Variants in PHACTR2 observed in about 807,000 individuals in gnomAD.
PHACTR2 encodes chromosome 6 open reading frame 56.
Under a neutral mutation model 76.0 loss-of-function variants are expected in PHACTR2, and 30 were observed. That is an observed-to-expected ratio of 0.39 (90% CI 0.30 to 0.54). The LOEUF is 0.54. Among genes scored for constraint, PHACTR2 ranks in the 20% least tolerant of loss-of-function variants. The probability of loss-of-function intolerance (pLI) is 0.61; values close to 1 mark genes in which losing one functional copy is unlikely to be tolerated. For synonymous variants in PHACTR2, 292 were observed against 292.5 expected (o/e 1.00, Z 0.02); for missense variants, 696 against 781.1 (o/e 0.89, Z 1.30).
chr6:143,822,341 G>C lies in PHACTR2; in HGVS notation c.1923-1333G>C, dbSNP rs575847043. Among the ~76,000 whole-genome samples, 4 of 151,998 alleles carry C rather than the reference G, an allele frequency of 2.6e-5. No homozygotes were observed. The highest frequency in any genetic ancestry group is 5.9e-5 in the Non-Finnish European group (4 of 67,994). ...CCATGCCCAGCTTAAATTTTATTTTGTAGGTAATGGGGAACAATACGATCC... is the reference window on the plus strand; with the variant it reads ...CCATGCCCAGCTTAAATTTTATTTTCTAGGTAATGGGGAACAATACGATCC... On this transcript the variant is annotated intron_variant, in intron 12 of 12. Transcript: ENST00000440869. The surrounding 1 kb of genome is among the most constrained non-coding windows in gnomAD (Gnocchi z 5.5).
rs974285309 is a variant in PHACTR2, at chr6:143,578,829, C to T, written c.217+41622C>T. On this transcript the variant is annotated intron_variant, in intron 1 of 11. Transcript: ENST00000367584. This position sits in a 1 kb window ranked among gnomAD's most constrained non-coding sequence, Gnocchi z 4.5. ...AGAAGACGATGACCAAGTGGAATAA[C>T]GTATTTTCAAAAATGCCTATTGTGA... is the stretch of plus-strand genomic sequence containing the variant. Among the ~76,000 whole-genome samples, 3 of 152,132 alleles carry T rather than the reference C, an allele frequency of 2.0e-5. No individual in the cohort carries two copies. The highest frequency in any genetic ancestry group is 4.4e-5 in the Non-Finnish European group (3 of 68,024).
Position 143,755,508 on chromosome 6 carries a change from C to A in PHACTR2, c.454+1596C>A, listed in dbSNP as rs753012548. ...TGACAGTTTTATATGAATTAACCAA[C>A]AGACCTTGATGTTCTTGAAAGAAGA... is the stretch of plus-strand genomic sequence containing the variant. On this transcript the variant is annotated intron_variant, in intron 4 of 12. Coordinates refer to ENST00000440869, the MANE Select transcript of PHACTR2 (RefSeq NM_001100164.2). This position sits in a 1 kb window ranked among gnomAD's most constrained non-coding sequence, Gnocchi z 5.2. 2.7e-6 allele frequency: 1 copy of A among 370,126 alleles called. No individual in the cohort carries two copies. The highest frequency in any genetic ancestry group is 5.4e-6 in the Non-Finnish European group (1 of 186,888). 22.9% of individuals were successfully genotyped at this position (370,126 alleles called of 1,614,324 possible). A position where few individuals can be genotyped will look rare whatever the true frequency, so the allele number is the denominator to read the frequency against.
chr6:143,614,372 C>T (rs1032846898), intron 1 of PHACTR2, among the ~76,000 whole-genome samples: 1 of 152,184 alleles, frequency 6.6e-6, no homozygotes, highest in Non-Finnish European at 1.5e-5. Flanking sequence ...AGGTAGATAA[C>T]TCCAATTTGG....
chr6:143,683,046 A>G lies in PHACTR2; in HGVS notation c.46+4837A>G, dbSNP rs1205904495. Among the ~76,000 whole-genome samples the G allele has an allele frequency of 6.6e-6, 1 of 152,230 alleles. No homozygotes were observed. The highest frequency in any genetic ancestry group is 1.5e-5 in the Non-Finnish European group (1 of 68,042). ...TTCCTAGGATAAATCCCACTTGGGTAATGTGTATAATCCTTTTTGTATGTT... is the reference window on the plus strand; with the variant it reads ...TTCCTAGGATAAATCCCACTTGGGTGATGTGTATAATCCTTTTTGTATGTT... On this transcript the variant is annotated intron_variant, in intron 1 of 12. Coordinates refer to ENST00000440869, the MANE Select transcript of PHACTR2 (RefSeq NM_001100164.2). The surrounding 1 kb of genome is among the most constrained non-coding windows in gnomAD (Gnocchi z 4.1).
In PHACTR2 at chr6:143,591,965, G is replaced by A. The variant is rs1775696756; in HGVS notation, c.217+54758G>A. Among the ~76,000 whole-genome samples the A allele has an allele frequency of 6.6e-6, 1 of 152,176 alleles. No individual in the cohort carries two copies. Among genetic ancestry groups the A allele is most frequent in the African/African-American group, 2.4e-5 (1 of 41,444 alleles). ...TTGTACTTCTGGTCTTCCTAGACCCGAGGGTTAGCCTGGGCATGGCTGTTT... is the reference window on the plus strand; with the variant it reads ...TTGTACTTCTGGTCTTCCTAGACCCAAGGGTTAGCCTGGGCATGGCTGTTT... On this transcript the variant is annotated intron_variant, in intron 1 of 11. Transcript: ENST00000367584. The surrounding 1 kb of genome is among the most constrained non-coding windows in gnomAD (Gnocchi z 6.4).
chr6:143,569,280 A>C (rs1775411282), intron 1 of PHACTR2, among the ~76,000 whole-genome samples: 1 of 152,220 alleles, frequency 6.6e-6, no homozygotes. Flanking sequence ...TCAACTGAGG[A>C]GACCACAAGT....
In PHACTR2 at chr6:143,647,028, C is replaced by A. The variant is rs1206154172; in HGVS notation, c.13+38706C>A. Reference sequence around the variant, plus strand: ...AAGGCTCTAAAGATTAAGTCTTCACCTTGCTGTCAGCAGTTACATTTTTTT... The same window carrying A: ...AAGGCTCTAAAGATTAAGTCTTCACATTGCTGTCAGCAGTTACATTTTTTT... On this transcript the variant is annotated intron_variant, in intron 1 of 11. Coordinates refer to the PHACTR2 transcript ENST00000305766. The surrounding 1 kb of genome is among the most constrained non-coding windows in gnomAD (Gnocchi z 4.2). 3.9e-5 allele frequency among the ~76,000 whole-genome samples: 6 copies of A among 152,174 alleles called. No individual in the cohort carries two copies. Among genetic ancestry groups the A allele is most frequent in the Non-Finnish European group, 7.3e-5 (5 of 68,028 alleles).
rs957929563 is a variant in PHACTR2, at chr6:143,647,060, G to A, written c.13+38738G>A. Among the ~76,000 whole-genome samples, 5 of 151,920 alleles carry A rather than the reference G, an allele frequency of 3.3e-5. No individual in the cohort carries two copies. Among genetic ancestry groups the A allele is most frequent in the Admixed American group, 2.6e-4 (4 of 15,256 alleles). On this transcript the variant is annotated intron_variant, in intron 1 of 11. Transcript: ENST00000305766. This position sits in a 1 kb window ranked among gnomAD's most constrained non-coding sequence, Gnocchi z 4.2. The stretch of plus-strand genomic sequence containing the variant: ...TCAGCAGTTACATTTTTTTCTAAGG[G>A]GTAAAAAGCACAAACCAGAATTATG...
intron 11 of PHACTR2, among the ~76,000 whole-genome samples, chr6:143,790,404 T>TA (rs147763042): frequency 0.019 from 2,845 of 152,146 alleles, 108 homozygotes; most frequent in African/African-American, 0.066. Flanking sequence ...GGTCAGTACT[T>TA]ATGTGAAAGA....
chr6:143,584,889 TA>T (rs1054185130), intron 1 of PHACTR2, among the ~76,000 whole-genome samples: 8 of 149,578 alleles, frequency 5.3e-5, no homozygotes, highest in African/African-American at 2.0e-4. Flanking sequence ...GAGAAGAACA[TA>T]AGGCTAGGAA....
chr6:143,715,306 C>A (rs926113866), intron 2 of PHACTR2, among the ~76,000 whole-genome samples: 4 of 152,178 alleles, frequency 2.6e-5, no homozygotes, highest in African/African-American at 9.7e-5. Context: ...CTCTCTTTTG[C>A]CTTTTCTCTT....
chr6:143,650,317 T>G (rs1244310079), intron 1 of PHACTR2, among the ~76,000 whole-genome samples: 1 of 152,152 alleles, frequency 6.6e-6, no homozygotes, highest in Non-Finnish European at 1.5e-5. Context: ...ATCGACAATC[T>G]TCACAGAATT....
At chr6:143,636,444 G>A (rs1395863691) in intron 1 of PHACTR2, among the ~76,000 whole-genome samples, 1 of 152,056 alleles carries the variant, frequency 6.6e-6, no homozygotes, top group Admixed American at 6.6e-5. Context: ...TTCCATACAC[G>A]TTGAGACCTA....
At chr6:143,740,611 G>A (rs143164843) in intron 2 of PHACTR2, among the ~76,000 whole-genome samples, 1 of 152,214 alleles carries the variant, frequency 6.6e-6, no homozygotes, top group East Asian at 1.9e-4. Context: ...GTGGAGTAAG[G>A]CTGAGGTTCA....
Position 143,733,164 on chromosome 6 carries a change from T to C in PHACTR2, c.215-15821T>C, listed in dbSNP as rs1308258191. Among the ~76,000 whole-genome samples the C allele has an allele frequency of 6.6e-6, 1 of 152,200 alleles. No individual in the cohort carries two copies. The highest frequency in any genetic ancestry group is 1.9e-4 in the East Asian group (1 of 5,206). On this transcript the variant is annotated intron_variant, in intron 2 of 12. Coordinates refer to ENST00000440869, the MANE Select transcript of PHACTR2 (RefSeq NM_001100164.2). The surrounding 1 kb of genome is among the most constrained non-coding windows in gnomAD (Gnocchi z 4.0). ...GTCCTACCTTGACCTCCCAAAGTGC[T>C]GGGATTATAGATGTGAGCCACCATG...
At chr6:143,740,250 G>C (rs1778909618) in intron 2 of PHACTR2, among the ~76,000 whole-genome samples, 1 of 152,120 alleles carries the variant, frequency 6.6e-6, no homozygotes, top group Non-Finnish European at 1.5e-5. Flanking sequence ...GATCACTCTT[G>C]TGGCCATCTT....
Position 143,772,144 on chromosome 6 carries a change from G to A in PHACTR2, c.1233-114G>A. 1.4e-6 allele frequency: 1 copy of A among 724,998 alleles called. No individual in the cohort carries two copies. Among genetic ancestry groups the A allele is most frequent in the East Asian group, 2.5e-5 (1 of 40,106 alleles). The allele number at this position is 724,998 out of a possible 1,614,324, so 44.9% of individuals were successfully genotyped here. On this transcript the variant is annotated intron_variant, in intron 6 of 12. Coordinates refer to ENST00000440869, the MANE Select transcript of PHACTR2 (RefSeq NM_001100164.2). The surrounding 1 kb of genome is among the most constrained non-coding windows in gnomAD (Gnocchi z 5.4). ...TTAGCCTGGCCTATGTCAAGTGTCT[G>A]CTTTCCTCAGCCTGAAGGAAGCCCA... is the stretch of plus-strand genomic sequence containing the variant.
chr6:143,554,063 G>T lies in PHACTR2; in HGVS notation c.217+16856G>T, dbSNP rs1042275984. Among the ~76,000 whole-genome samples, 1 of 152,140 alleles carries T rather than the reference G, an allele frequency of 6.6e-6. No homozygotes were observed. Among genetic ancestry groups the T allele is most frequent in the Admixed American group, 6.5e-5 (1 of 15,284 alleles). ...AGACTGGGGATCCAGTGGCGGGGGC[G>T]CTGGGCAGAGGGGCATCATGTTTTT... On this transcript the variant is annotated intron_variant, in intron 1 of 11. Coordinates refer to the PHACTR2 transcript ENST00000367584. This position sits in a 1 kb window ranked among gnomAD's most constrained non-coding sequence, Gnocchi z 5.9.
Position 143,698,828 on chromosome 6 carries a change from C to T in PHACTR2, c.47-13188C>T, listed in dbSNP as rs1777832274. ...TCAGTTAATTGTGCATGAATGTTTCCGTTCCACAGTGAACACACTTTTCTA... is the reference window on the plus strand; with the variant it reads ...TCAGTTAATTGTGCATGAATGTTTCTGTTCCACAGTGAACACACTTTTCTA... On this transcript the variant is annotated intron_variant, in intron 1 of 12. Transcript: ENST00000440869. This position sits in a 1 kb window ranked among gnomAD's most constrained non-coding sequence, Gnocchi z 4.3. 1.3e-5 allele frequency among the ~76,000 whole-genome samples: 2 copies of T among 152,204 alleles called. No homozygotes were observed. The highest frequency in any genetic ancestry group is 2.1e-4 in the South Asian group (1 of 4,826).
Sources: gnomAD v4.1 joint callset for allele counts (sites outside exome capture counted in the v4.1 genomes callset) on GRCh38, gnomAD v4.1.1 for gene constraint, Gnocchi (gnomAD v3.1) non-coding constraint, MANE v1.5 for transcripts, NCBI Gene and HGNC (gene_info 2026-07-23, HGNC 2026-07-21) for gene names.